The following PACSIN2 variants were observed in gnomAD, a reference collection of about 807,000 sequenced individuals.
PACSIN2 encodes protein kinase C and casein kinase substrate in neurons protein 2.
In PACSIN2, 25 loss-of-function variants were observed where a neutral mutation model predicts 63.8. That is an observed-to-expected ratio of 0.39 (90% CI 0.29 to 0.55). The LOEUF (loss-of-function observed/expected upper bound fraction) is 0.55. PACSIN2 is among the 20% of genes least tolerant of loss of function. The pLI, the probability that PACSIN2 is intolerant of heterozygous loss-of-function variation, is 0.62. For synonymous variants in PACSIN2, 255 were observed against 256.2 expected, an observed-to-expected ratio of 1.00 and a Z score of 0.05; for missense variants, 518 against 646.9, an observed-to-expected ratio of 0.80 and a Z score of 2.16.
At chr22:42,898,785 G>T (rs1186997814) in intron 2 of PACSIN2, among the ~76,000 whole-genome samples, 1 of 152,094 alleles carries the variant, frequency 6.6e-6, no homozygotes, top group East Asian at 1.9e-4. Context: ...GTTCCTCTGA[G>T]AACCCAATGT....
At chr22:42,990,015 T>C (rs1299238654) in intron 1 of PACSIN2, among the ~76,000 whole-genome samples, 3 of 143,296 alleles carry the variant, frequency 2.1e-5, no homozygotes, top group Non-Finnish European at 3.0e-5. Context: ...CACATATATA[T>C]ACACACATAT....
At chr22:43,012,035 C>G (rs866484207) in intron 1 of PACSIN2, among the ~76,000 whole-genome samples, 1 of 152,142 alleles carries the variant, frequency 6.6e-6, no homozygotes, top group Non-Finnish European at 1.5e-5. Context: ...GTCCCAGTTA[C>G]TCAGGAGGCT....
At chr22:42,929,761 G>C (rs1199533313) in intron 1 of PACSIN2, among the ~76,000 whole-genome samples, 2 of 152,180 alleles carry the variant, frequency 1.3e-5, no homozygotes, top group Non-Finnish European at 2.9e-5. Context: ...TGCCCTTTCA[G>C]GTCTTCGTAC....
intron 1 of PACSIN2, among the ~76,000 whole-genome samples, chr22:42,996,464 A>C (rs1028753727): frequency 6.6e-6 from 1 of 151,010 alleles, no homozygotes; most frequent in Non-Finnish European, 1.5e-5. Flanking sequence ...CCCAGGCAGC[A>C]AAGGTTGCAG....
In PACSIN2 at chr22:42,907,739, G is replaced by A. The variant is rs561269362; in HGVS notation, c.60+4282C>T. ...GCCTCCTAACTGCTCTCCATACAAC[G>A]CTGGCTCTAGGAGGCCCGAGGCTGG... On this transcript the variant is annotated intron_variant, in intron 2 of 10. Coordinates refer to ENST00000263246, the MANE Select transcript of PACSIN2 (RefSeq NM_001184970.3). Among the ~76,000 whole-genome samples, 8 of 152,378 alleles carry A rather than the reference G, an allele frequency of 5.3e-5. No homozygotes were observed. The East Asian group carries it at 1.5e-3, about 29-fold the overall frequency.
chr22:42,956,542 A>C (rs1224206205), intron 1 of PACSIN2, among the ~76,000 whole-genome samples: 1 of 152,200 alleles, frequency 6.6e-6, no homozygotes, highest in Non-Finnish European at 1.5e-5. Flanking sequence ...TCTAATTACT[A>C]TCTCACCATA....
rs1270257945 is a variant in PACSIN2 at position 42,876,900 on chromosome 22, G to T, written c.1139C>A (p.Thr380Asn). ...TGSTVSEKDD[T>N]KAKNVSSYEK... is the part of the protein sequence containing the mutation. ...TTTGTTCACCAACTTTTTGGCCTTA[G>T]TGTCGTCCTTCTCACTGACGGTGCT... The change falls in exon 9 of 11, where the codon ACT (threonine) becomes AAT (asparagine). Residue 380 changes from threonine (T) to asparagine (N), a missense_variant. By Grantham distance (65) the Thr-to-Asn change is moderately conservative. Coordinates refer to ENST00000263246, the MANE Select transcript of PACSIN2 (RefSeq NM_001184970.3). 6.2e-7 allele frequency: 1 copy of T among 1,614,206 alleles called. No homozygotes were observed. The highest frequency in any genetic ancestry group is 1.7e-5 in the Admixed American group (1 of 60,022).
At chr22:42,969,995 C>G (rs1241389435) in intron 1 of PACSIN2, among the ~76,000 whole-genome samples, 1 of 151,826 alleles carries the variant, frequency 6.6e-6, no homozygotes, top group Admixed American at 6.6e-5. Context: ...TCCTGTTTCA[C>G]CTGTGATGTG....
intron 1 of PACSIN2, among the ~76,000 whole-genome samples, chr22:42,937,270 A>C (rs1010610368): frequency 1.3e-5 from 2 of 152,160 alleles, no homozygotes; most frequent in African/African-American, 4.8e-5. Context: ...CATGGGAAGA[A>C]GTAAGCCATA....
chr22:42,969,783 T>G (rs376897966), intron 1 of PACSIN2, among the ~76,000 whole-genome samples: 2 of 151,584 alleles, frequency 1.3e-5, no homozygotes, highest in African/African-American at 4.9e-5. Flanking sequence ...TACGAAAAAT[T>G]TTTAAGCTGG....
intron 5 of PACSIN2, 32 bp downstream of exon 5, chr22:42,888,611 A>G: frequency 1.2e-6 from 2 of 1,609,044 alleles, no homozygotes; most frequent in Non-Finnish European, 1.7e-6. Context: ...ACACGGTGAC[A>G]CTCGACGTGT....
intron 1 of PACSIN2, among the ~76,000 whole-genome samples, chr22:42,993,294 A>G (rs1923174515): frequency 6.6e-6 from 1 of 152,240 alleles, no homozygotes; most frequent in Admixed American, 6.5e-5. Context: ...GTGGCCTGGA[A>G]GAAGTGGGGG....
chr22:42,937,800 C>T (rs1029601501), intron 1 of PACSIN2, among the ~76,000 whole-genome samples: 1 of 152,190 alleles, frequency 6.6e-6, no homozygotes. Context: ...CAGCAAAGTC[C>T]AGCATCCCTA....
At chr22:42,905,357 G>A (rs1415325893) in intron 2 of PACSIN2, among the ~76,000 whole-genome samples, 2 of 152,246 alleles carry the variant, frequency 1.3e-5, no homozygotes, top group African/African-American at 2.4e-5. Context: ...TAGAGAGGAC[G>A]CTCAGAGACC....
At chr22:42,969,160 T>C (rs1043549844) in intron 1 of PACSIN2, among the ~76,000 whole-genome samples, 3 of 152,216 alleles carry the variant, frequency 2.0e-5, no homozygotes, top group Non-Finnish European at 4.4e-5. Context: ...TTAAAAGACA[T>C]GGTCACTAAC....
rs1929676828 is a variant in PACSIN2, at chr22:42,888,756, C to G, written c.496G>C (p.Glu166Gln). The change falls in exon 5 of 11, where the codon GAG becomes CAG. Residue 166 changes from glutamate to glutamine, a missense_variant. Transcript: ENST00000263246. Reference sequence around the variant, plus strand: ...GCTTCTCGTGAGATAGCCAGCTTCTCCTCTTTGCACGCTGCATGGTGGGCT... The same window carrying G: ...GCTTCTCGTGAGATAGCCAGCTTCTGCTCTTTGCACGCTGCATGGTGGGCT... ...KKAHHAACKE[E>Q]KLAISREANS... 9.9e-6 allele frequency: 16 copies of G among 1,614,078 alleles called. No individual in the cohort carries two copies. Among genetic ancestry groups the G allele is most frequent in the African/African-American group, 1.3e-5 (1 of 74,934 alleles).
At chr22:42,882,844 A>G (rs1488126573) in intron 6 of PACSIN2, among the ~76,000 whole-genome samples, 1 of 152,028 alleles carries the variant, frequency 6.6e-6, no homozygotes, top group African/African-American at 2.4e-5. Context: ...AAGAGTATGG[A>G]TCACTGCTGG....
At chr22:42,887,619 C>T (rs1440501399) in intron 5 of PACSIN2, among the ~76,000 whole-genome samples, 5 of 152,174 alleles carry the variant, frequency 3.3e-5, no homozygotes, top group South Asian at 4.1e-4. Flanking sequence ...TCACACCCCC[C>T]AGCCCTCACC....
At chr22:42,880,889 G>A (rs1929020977) in intron 7 of PACSIN2, among the ~76,000 whole-genome samples, 1 of 152,310 alleles carries the variant, frequency 6.6e-6, no homozygotes, top group South Asian at 2.1e-4. Flanking sequence ...GCCACTCCGG[G>A]AGCAGCAAAT....
Sources: allele counts gnomAD v4.1 joint callset (sites outside exome capture counted in the v4.1 genomes callset), GRCh38; gene constraint gnomAD v4.1.1; transcripts MANE v1.5; gene names NCBI Gene and HGNC (gene_info 2026-07-23, HGNC 2026-07-21).